WDR41: variants seen among roughly 807,000 people sequenced by gnomAD.
WDR41 encodes WD repeat domain 41.
WDR41 carries 63 observed loss-of-function variants against 69.3 expected under a neutral mutation model. The ratio of observed to expected loss-of-function variants is 0.91; its 90% CI spans 0.74 to 1.12. The LOEUF (loss-of-function observed/expected upper bound fraction) is 1.12, where lower values mean the gene tolerates loss of function less well. Among genes scored for constraint, WDR41 ranks in the 50% most tolerant of loss-of-function variants. The pLI is 0.00. For missense variants in WDR41, 543 were observed against 534.5 expected (o/e 1.02, Z -0.16); for synonymous variants, 185 against 192.1 (o/e 0.96, Z 0.31).
chr5:77,541,487 CTTTTT>C (rs11335010), intron 1 of WDR41, among the ~76,000 whole-genome samples: 1 of 97,826 alleles, frequency 1.0e-5, no homozygotes, highest in African/African-American at 4.1e-5. Flanking sequence ...AAAAGGAATT[CTTTTT>C]TTTTTTTTTT....
intron 1 of WDR41, among the ~76,000 whole-genome samples, chr5:77,498,472 A>G (rs530087378): frequency 6.6e-6 from 1 of 152,306 alleles, no homozygotes; most frequent in South Asian, 2.1e-4. Flanking sequence ...AGCAAAATAC[A>G]GGATTAATCA....
At chr5:77,606,243 CCATT>C (rs1744416053) in intron 1 of WDR41, among the ~76,000 whole-genome samples, 1 of 152,160 alleles carries the variant, frequency 6.6e-6, no homozygotes, top group Admixed American at 6.6e-5. Context: ...CCTCATCCAT[CCATT>C]CATTTAACGC....
chr5:77,611,108 A>G, intron 1 of WDR41, among the ~76,000 whole-genome samples: 1 of 152,164 alleles, frequency 6.6e-6, no homozygotes, highest in Non-Finnish European at 1.5e-5. Flanking sequence ...AGAGCTAACT[A>G]TCGTAAATAT....
intron 1 of WDR41, among the ~76,000 whole-genome samples, chr5:77,498,845 A>G (rs933707108): frequency 4.8e-5 from 7 of 144,970 alleles, no homozygotes; most frequent in African/African-American, 2.0e-4. Flanking sequence ...AAGAAAAAGA[A>G]AAAAAGAAAA....
At chr5:77,516,644 A>G (rs1482370089) in intron 1 of WDR41, among the ~76,000 whole-genome samples, 10 of 152,190 alleles carry the variant, frequency 6.6e-5, no homozygotes, top group African/African-American at 2.4e-4. Context: ...ATGACCCAAG[A>G]CAATAGCACC....
In WDR41 at chr5:77,463,199, C is replaced by T. The variant is rs1335061063; in HGVS notation, c.244G>A (p.Gly82Arg). ...QTGEKLLELN[G>R]HTQKITAIIT... ...ATAGCTGTTATCTTTTGAGTGTGTC[C>T]ATTCAGTTCTAAAAGTTTTTCCCCT... is the stretch of plus-strand genomic sequence containing the variant. Residue 82 changes from glycine (G) to arginine (R), a missense_variant, in exon 4 of 13, where the codon GGA (glycine) becomes AGA (arginine). By Grantham distance (125) the Gly-to-Arg change is moderately radical. Transcript: ENST00000296679. The T allele has an allele frequency of 2.5e-6, 4 of 1,610,502 alleles. No homozygotes were observed. Among genetic ancestry groups the T allele is most frequent in the Non-Finnish European group, 3.4e-6 (4 of 1,178,590 alleles).
Position 77,603,333 on chromosome 5 carries a change from T to C in WDR41, c.42+17146A>G, listed in dbSNP as rs138285061. 2.0e-3 allele frequency among the ~76,000 whole-genome samples: 312 copies of C among 152,346 alleles called. 2 individuals are homozygous for C. Among genetic ancestry groups the C allele is most frequent in the African/African-American group, 7.2e-3 (298 of 41,586 alleles). On this transcript the variant is annotated intron_variant, in intron 1 of 5. Transcript: ENST00000509971. ...TGATGATTAATGATGTTGAGCATTT[T>C]TTCATATACCTGTTGGACATTTGTA...
intron 1 of WDR41, among the ~76,000 whole-genome samples, chr5:77,564,691 T>C (rs1370744573): frequency 6.6e-6 from 1 of 152,144 alleles, no homozygotes; most frequent in Admixed American, 6.6e-5. Flanking sequence ...GCCACTCTAA[T>C]GGCTTCAACC....
chr5:77,492,556 C>T (rs1801861581), upstream of WDR41: 1 of 308,024 alleles, frequency 3.2e-6, no homozygotes, highest in South Asian at 1.4e-4. Flanking sequence ...TTAGGTAGCT[C>T]GAGCGGCCCC....
At chr5:77,581,077 T>C (rs531224830) in intron 1 of WDR41, among the ~76,000 whole-genome samples, 1 of 152,158 alleles carries the variant, frequency 6.6e-6, no homozygotes, top group Admixed American at 6.5e-5. Flanking sequence ...TCAAAAGGAT[T>C]GTCAGACTGG....
intron 1 of WDR41, among the ~76,000 whole-genome samples, chr5:77,505,005 G>A (rs1802083990): frequency 1.3e-5 from 2 of 152,158 alleles, no homozygotes; most frequent in Admixed American, 1.3e-4. Flanking sequence ...ATTCAACATA[G>A]TGTTGGAAGT....
intron 4 of WDR41, among the ~76,000 whole-genome samples, chr5:77,461,057 A>C (rs1415457498): frequency 1.3e-5 from 2 of 152,200 alleles, no homozygotes; most frequent in African/African-American, 4.8e-5. Context: ...TGTACCAGCT[A>C]CTAACTTCTG....
intron 2 of WDR41, among the ~76,000 whole-genome samples, chr5:77,475,099 C>T (rs1467818481): frequency 6.6e-6 from 1 of 152,220 alleles, no homozygotes; most frequent in Non-Finnish European, 1.5e-5. Context: ...TAATACTGCG[C>T]TTTTCCGACG....
intron 2 of WDR41, among the ~76,000 whole-genome samples, chr5:77,474,167 C>T (rs552788057): frequency 6.6e-6 from 1 of 152,100 alleles, no homozygotes; most frequent in East Asian, 1.9e-4. Context: ...CCATCATTCT[C>T]AGCAAACTAT....
chr5:77,544,764 A>G (rs1388516101), intron 1 of WDR41, among the ~76,000 whole-genome samples: 2 of 152,112 alleles, frequency 1.3e-5, no homozygotes, highest in Non-Finnish European at 2.9e-5. Context: ...CAGGTCATCA[A>G]GAGAGAAAGT....
intron 1 of WDR41, among the ~76,000 whole-genome samples, chr5:77,523,699 C>T (rs928998480): frequency 5.9e-5 from 9 of 151,872 alleles, no homozygotes; most frequent in Admixed American, 3.3e-4. Context: ...ATCTTGCCAA[C>T]GATGAGAAAT....
At chr5:77,510,508 G>C (rs1277556279) in intron 1 of WDR41, among the ~76,000 whole-genome samples, 3 of 152,142 alleles carry the variant, frequency 2.0e-5, no homozygotes. Context: ...TGCCCAACAA[G>C]AATGAAGGGA....
At chr5:77,577,151 T>G (rs1743849837) in intron 1 of WDR41, among the ~76,000 whole-genome samples, 1 of 152,126 alleles carries the variant, frequency 6.6e-6, no homozygotes, top group South Asian at 2.1e-4. Context: ...AAAAAAATTG[T>G]GTTGGGCAAG....
intron 11 of WDR41, 123 bp from the exon 12 acceptor site, chr5:77,436,517 T>G (rs1798941058): frequency 8.6e-7 from 1 of 1,162,862 alleles, no homozygotes. Flanking sequence ...AAGTGGACAG[T>G]ACCTGAGCAC....
Sources: gnomAD v4.1 joint callset for allele counts (sites outside exome capture counted in the v4.1 genomes callset) on GRCh38, gnomAD v4.1.1 for gene constraint, MANE v1.5 for transcripts, NCBI Gene and HGNC (gene_info 2026-07-23, HGNC 2026-07-21) for gene names.